RALGAPA1: variants seen among roughly 807,000 people sequenced by gnomAD.
The protein encoded by RALGAPA1 is Ral GTPase activating protein catalytic subunit alpha 1, also known as ral GTPase-activating protein subunit alpha-1.
Under a neutral mutation model 269.6 loss-of-function variants are expected in RALGAPA1, and 52 were observed. The observed-to-expected ratio is 0.19, with a 90% CI of 0.15 to 0.24. RALGAPA1 has a LOEUF of 0.24. Among genes scored for constraint, RALGAPA1 ranks in the 10% least tolerant of loss-of-function variants. The pLI is 1.00. For synonymous variants in RALGAPA1, 817 were observed against 1,008.3 expected, an observed-to-expected ratio of 0.81 and a Z score of 3.60; for missense variants, 1,917 against 3,013.9, an observed-to-expected ratio of 0.64 and a Z score of 8.52.
At chr14:35,746,289 C>T (rs1431753821) in intron 10 of RALGAPA1, among the ~76,000 whole-genome samples, 2 of 151,998 alleles carry the variant, frequency 1.3e-5, no homozygotes, top group Non-Finnish European at 2.9e-5. Context: ...TCAAAATGTA[C>T]AAAGGTTCAG....
At chr14:35,796,827 C>T (rs1033757359) in intron 1 of RALGAPA1, among the ~76,000 whole-genome samples, 2 of 151,650 alleles carry the variant, frequency 1.3e-5, no homozygotes, top group African/African-American at 2.4e-5. Flanking sequence ...GTTGCCTAGG[C>T]TGGAGTGCAG....
chr14:35,737,347 G>C (rs1446787911), intron 12 of RALGAPA1, among the ~76,000 whole-genome samples: 1 of 152,088 alleles, frequency 6.6e-6, no homozygotes, highest in African/African-American at 2.4e-5. Context: ...ACAAAGTGGA[G>C]AACAATTGGG....
rs745728189 is a variant in RALGAPA1, at chr14:35,655,895, A to G, written c.5408T>C (p.Leu1803Ser). ...GPARCVALCSLGIWICEELVH... is the reference protein window; with the variant it reads ...GPARCVALCSSGIWICEELVH... ...TAGTTCTTCACAAATCCAAATACCT[A>G]AACTACAAAGTGCTACACATCTGCA... The change falls in exon 29 of 42, where the codon TTA (leucine) becomes TCA (serine). Residue 1803 changes from leucine to serine, a missense_variant. By Grantham distance (145) the Leu-to-Ser change is moderately radical. This residue lies in a region of RALGAPA1 where 346 missense variants were observed against 566.1 expected (regional missense o/e 0.61). Transcript: ENST00000680220. 3.7e-6 allele frequency: 6 copies of G among 1,613,414 alleles called. No homozygotes were observed. In the East Asian group the frequency reaches 1.3e-4, roughly 36 times the overall value.
chr14:35,576,495 G>A (rs2057569411), intron 37 of RALGAPA1, among the ~76,000 whole-genome samples: 1 of 152,132 alleles, frequency 6.6e-6, no homozygotes, highest in South Asian at 2.1e-4. Context: ...CTATCCTTAA[G>A]TTCAAATTCC....
chr14:35,742,298 A>G (rs1230421090), intron 11 of RALGAPA1, 70 bp downstream of exon 11: 14 of 1,094,322 alleles, frequency 1.3e-5, no homozygotes, highest in Non-Finnish European at 1.9e-5. Flanking sequence ...GTGTTAACCC[A>G]TTATTATGTT....
At chr14:35,742,289 T>G in intron 11 of RALGAPA1, 79 bp downstream of exon 11, 1 of 1,022,022 alleles carries the variant, frequency 9.8e-7, no homozygotes, top group East Asian at 2.6e-5. Flanking sequence ...AGTATATTTG[T>G]GTTAACCCAT....
intron 6 of RALGAPA1, 115 bp downstream of exon 6, chr14:35,760,714 T>A: frequency 1.5e-6 from 1 of 673,596 alleles, no homozygotes; most frequent in Non-Finnish European, 2.5e-6. Flanking sequence ...AGCTATGTTT[T>A]AAAGCATTGC....
chr14:35,768,909 G>T (rs2074360708), intron 4 of RALGAPA1, among the ~76,000 whole-genome samples: 1 of 148,438 alleles, frequency 6.7e-6, no homozygotes, highest in African/African-American at 2.5e-5. Flanking sequence ...TCGGGAGGCT[G>T]AGGCAGGAAG....
chr14:35,671,639 C>T, intron 25 of RALGAPA1, 122 bp from the exon 26 acceptor site: 1 of 477,304 alleles, frequency 2.1e-6, no homozygotes, highest in Non-Finnish European at 3.8e-6. Flanking sequence ...TGTACATTGG[C>T]TAACTGGAAA....
intron 39 of RALGAPA1, chr14:35,564,355 A>G (rs1207162422): frequency 6.6e-6 from 1 of 152,242 alleles, no homozygotes; most frequent in Non-Finnish European, 1.5e-5. Context: ...TGGCAACAAT[A>G]CTGACAGACC....
intron 16 of RALGAPA1, among the ~76,000 whole-genome samples, chr14:35,701,211 A>G (rs1034247359): frequency 1.1e-4 from 16 of 152,204 alleles, no homozygotes; most frequent in African/African-American, 3.9e-4. Flanking sequence ...AAAAACATTT[A>G]TTTCAAGGAT....
At chr14:35,603,416 C>A (rs12893376) in intron 36 of RALGAPA1, among the ~76,000 whole-genome samples, 19,620 of 151,910 alleles carry the variant, frequency 0.13, 1,315 homozygotes, top group African/African-American at 0.14. Flanking sequence ...TGACAAATAA[C>A]CAAAGAGGCA....
chr14:35,741,671 CA>C (rs1355008926), intron 11 of RALGAPA1, among the ~76,000 whole-genome samples: 1 of 152,166 alleles, frequency 6.6e-6, no homozygotes, highest in African/African-American at 2.4e-5. Context: ...GCAAATCAGA[CA>C]AAACAGATAA....
chr14:35,679,597 T>C (rs1309368164), intron 21 of RALGAPA1, among the ~76,000 whole-genome samples: 4 of 152,228 alleles, frequency 2.6e-5, no homozygotes, highest in Non-Finnish European at 5.9e-5. Context: ...AGAATGGTTG[T>C]ATGAGTATTT....
Position 35,655,899 on chromosome 14 carries a change from T to C in RALGAPA1, c.5404A>G (p.Ser1802Gly), listed in dbSNP as rs1450130611. The C allele has an allele frequency of 6.2e-7, 1 of 1,613,346 alleles. No homozygotes were observed. Among genetic ancestry groups the C allele is most frequent in the Non-Finnish European group, 8.5e-7 (1 of 1,179,592 alleles). The change falls in exon 29 of 42, where the codon AGT (serine) becomes GGT (glycine). Residue 1802 changes from serine (S) to glycine (G), a missense_variant. This residue lies in a region of RALGAPA1 where 346 missense variants were observed against 566.1 expected (regional missense o/e 0.61). Coordinates refer to ENST00000680220, the MANE Select transcript of RALGAPA1 (RefSeq NM_001346249.2). ...SGPARCVALC[S>G]LGIWICEELV... ...TCTTCACAAATCCAAATACCTAAAC[T>C]ACAAAGTGCTACACATCTGCAAAAA...
rs750671567 is a variant in RALGAPA1, at chr14:35,723,169, A to G, written c.1962T>C (p.Tyr654=). 2 of 1,613,602 alleles carry G rather than the reference A, an allele frequency of 1.2e-6. No individual in the cohort carries two copies. Among genetic ancestry groups the G allele is most frequent in the Middle Eastern group, 3.3e-4 (2 of 6,058 alleles). ...ACCACTCAGTGGCCAACTCTTCCCA[A>G]TAGGTCAGCGATGACAATACTGACA... ...DLLSVLSSLT[Y]WEELATEWSL... is the part of the protein sequence containing the mutation. Residue 654 remains tyrosine, a synonymous_variant, in exon 15 of 42, where the codon TAT becomes TAC. Transcript: ENST00000680220.
At chr14:35,803,374 T>C (rs906653281) in intron 1 of RALGAPA1, among the ~76,000 whole-genome samples, 1 of 152,124 alleles carries the variant, frequency 6.6e-6, no homozygotes, top group Non-Finnish European at 1.5e-5. Context: ...ATCCTAAAAC[T>C]GTAAAACTTC....
At position 35,627,148 on chromosome 14, in the gene RALGAPA1, C is replaced by G. The variant is rs746063863; in HGVS notation, c.6799G>C (p.Ala2267Pro). 24 of 1,567,376 alleles carry G rather than the reference C, an allele frequency of 1.5e-5. No individual in the cohort carries two copies. The highest frequency in any genetic ancestry group is 2.1e-5 in the Non-Finnish European group (24 of 1,163,196). Residue 2267 changes from alanine to proline, a missense_variant, in exon 34 of 42, where the codon GCA (alanine) becomes CCA (proline). This residue lies in a region of RALGAPA1 where 132 missense variants were observed against 271.2 expected (regional missense o/e 0.49). Transcript: ENST00000680220. ...DEPIPQKPQS[A>P]FYYCRLLLSI... ...AGAAGCAATCTGCAATAATAAAATG[C>G]TGACTGAGGTTTTTGAGGTATTGGT...
At chr14:35,668,386 G>A (rs1175723495) in intron 26 of RALGAPA1, among the ~76,000 whole-genome samples, 1 of 151,938 alleles carries the variant, frequency 6.6e-6, no homozygotes, top group Non-Finnish European at 1.5e-5. Context: ...GGGAGGCTGA[G>A]GCAAAAGAAT....
Sources: allele counts gnomAD v4.1 joint callset (sites outside exome capture counted in the v4.1 genomes callset), GRCh38; gene constraint gnomAD v4.1.1; regional missense constraint gnomAD v4.1.1; transcripts MANE v1.5; gene names NCBI Gene and HGNC (gene_info 2026-07-23, HGNC 2026-07-21).